Variants in ABCA3 observed in about 807,000 individuals in gnomAD.
ABCA3 encodes the protein ATP binding cassette subfamily A member 3, also known as phospholipid-transporting ATPase ABCA3.
ABCA3 carries 88 observed loss-of-function variants against 172.8 expected under a neutral mutation model. That is an observed-to-expected ratio of 0.51 (90% confidence interval 0.43 to 0.61). ABCA3 has a LOEUF of 0.61. Among genes scored for constraint, ABCA3 ranks in the 20% least tolerant of loss-of-function variants. The probability of loss-of-function intolerance (pLI) is 0.00; values close to 1 mark genes in which losing one functional copy is unlikely to be tolerated. For synonymous variants in ABCA3, 1,066 were observed against 983.8 expected, an observed-to-expected ratio of 1.08 and a Z score of -1.56; for missense variants, 2,164 against 2,301.0, an observed-to-expected ratio of 0.94 and a Z score of 1.22.
In ABCA3 at chr16:2,300,200, C is replaced by T. The variant is rs539260009; in HGVS notation, c.1468-52G>A. On this transcript the variant is annotated intron_variant, in intron 12 of 32. Transcript: ENST00000301732. Reference sequence around the variant, plus strand: ...TTTGTTTTGTTTGTGACGAGCAAAGCAACAACCAGCAGACACACTAGATGC... The same window carrying T: ...TTTGTTTTGTTTGTGACGAGCAAAGTAACAACCAGCAGACACACTAGATGC... The T allele has an allele frequency of 7.6e-5, 123 of 1,610,272 alleles. 1 individual carries two copies. The Admixed American group carries it at 1.1e-3, about 14-fold the overall frequency.
chr16:2,326,387 G>C, intron 4 of ABCA3, 26 bp downstream of exon 4: 1 of 1,612,648 alleles, frequency 6.2e-7, no homozygotes, highest in East Asian at 2.2e-5. Context: ...GCACGCAGCT[G>C]ACCTCCCTCC....
intron 18 of ABCA3, among the ~76,000 whole-genome samples, chr16:2,293,749 G>C (rs1222135267): frequency 6.6e-6 from 1 of 151,494 alleles, no homozygotes; most frequent in African/African-American, 2.4e-5. Context: ...CACCATGTTA[G>C]CCAGGATGGT....
Position 2,287,127 on chromosome 16 carries a change from C to T in ABCA3, c.3005-160G>A, listed in dbSNP as rs902557108. Among the ~76,000 whole-genome samples, 9 of 152,114 alleles carry T rather than the reference C, an allele frequency of 5.9e-5. No homozygotes were observed. The highest frequency in any genetic ancestry group is 2.2e-4 in the African/African-American group (9 of 41,410). Reference sequence around the variant, plus strand: ...CTCCTAAGGAGAGTATAATTTCTGGCAAGGTTTTGTCATCATTCAGTATGT... The same window carrying T: ...CTCCTAAGGAGAGTATAATTTCTGGTAAGGTTTTGTCATCATTCAGTATGT... On this transcript the variant is annotated intron_variant, in intron 21 of 32. Transcript: ENST00000301732. This position sits in a 1 kb window ranked among gnomAD's most constrained non-coding sequence, Gnocchi z 4.1.
At chr16:2,295,396 C>T (rs2093678108) in intron 18 of ABCA3, among the ~76,000 whole-genome samples, 194 bp downstream of exon 18, 1 of 152,188 alleles carries the variant, frequency 6.6e-6, no homozygotes, top group Non-Finnish European at 1.5e-5. Context: ...TTTCTCCTTG[C>T]TAGGAGGCCT....
At chr16:2,295,159 G>A (rs1431002145) in intron 18 of ABCA3, among the ~76,000 whole-genome samples, 3 of 152,100 alleles carry the variant, frequency 2.0e-5, no homozygotes, top group Non-Finnish European at 2.9e-5. Context: ...TGGTTCTGCC[G>A]TGTGTGTGAG....
In ABCA3 at chr16:2,284,779, C is replaced by G; in HGVS notation, c.3703G>C (p.Ala1235Pro). The stretch of plus-strand genomic sequence containing the variant: ...CTGCGGGTGGTCTCCAGGTGCCCAC[C>G]TGGGATGCGCATGATGGTGACCATC... ...FLMVTIMRIPAVKLEELSKTL... is the reference protein window; with the variant it reads ...FLMVTIMRIPPVKLEELSKTL... Residue 1235 changes from alanine to proline, a missense_variant and splice_region_variant, in exon 24 of 33, where the codon GCT (alanine) becomes CCT (proline). Ala to Pro is a conservative substitution (Grantham distance 27). Coordinates refer to ENST00000301732, the MANE Select transcript of ABCA3 (RefSeq NM_001089.3). The surrounding 1 kb of genome is among the most constrained non-coding windows in gnomAD (Gnocchi z 5.9). The G allele has an allele frequency of 6.2e-7, 1 of 1,613,368 alleles. No individual in the cohort carries two copies. Among genetic ancestry groups the G allele is most frequent in the Non-Finnish European group, 8.5e-7 (1 of 1,179,836 alleles).
Position 2,326,434 on chromosome 16 carries a change from G to C in ABCA3, c.33C>G (p.Leu11=). 2 of 1,612,836 alleles carry C rather than the reference G, an allele frequency of 1.2e-6. No homozygotes were observed. Among genetic ancestry groups the C allele is most frequent in the Non-Finnish European group, 1.7e-6 (2 of 1,179,492 alleles). ...GCACCTGCAGGGTGTAGTTCTTCCA[G>C]AGGAGGAGCGCCAGCTGCCTGAGCA... MAVLRQLALL[L]WKNYTLQKRK... The change falls in exon 4 of 33, where the codon CTC becomes CTG. Residue 11 remains leucine (L), a synonymous_variant. Transcript: ENST00000301732.
In ABCA3 at chr16:2,326,028, G is replaced by A. The variant is rs1352909711; in HGVS notation, c.301C>T (p.Leu101Phe). 1 of 1,613,916 alleles carries A rather than the reference G, an allele frequency of 6.2e-7. No homozygotes were observed. The highest frequency in any genetic ancestry group is 1.7e-5 in the Admixed American group (1 of 60,008). Reference protein sequence around the residue: ...KTVTETVRRALVINMRVRGFP... With the variant: ...KTVTETVRRAFVINMRVRGFP... ...GTCTCACCTCGCATGTTGATCACAA[G>A]TGCCCTGCGCACTGTCTCAGTGACG... The change falls in exon 5 of 33, where the codon CTT (leucine) becomes TTT (phenylalanine). Residue 101 changes from leucine to phenylalanine, a missense_variant. Coordinates refer to ENST00000301732, the MANE Select transcript of ABCA3 (RefSeq NM_001089.3).
Position 2,319,755 on chromosome 16 carries a change from C to G in ABCA3, c.699G>C (p.Gln233His). The G allele has an allele frequency of 6.2e-7, 1 of 1,614,018 alleles. No homozygotes were observed. The highest frequency in any genetic ancestry group is 8.5e-7 in the Non-Finnish European group (1 of 1,180,030). Residue 233 changes from glutamine to histidine, a missense_variant, in exon 8 of 33, where the codon CAG (glutamine) becomes CAC (histidine). This residue lies in a region of ABCA3 where 1,343 missense variants were observed against 1,369.6 expected (regional missense o/e 0.98). Coordinates refer to ENST00000301732, the MANE Select transcript of ABCA3 (RefSeq NM_001089.3). ...MEYHADAATR[Q>H]LFQRLTVTIK... ...TGGTCACCGTCAGTCTCTGGAACAGCTGGCGTGTGGCGGCATCGGCATGGT... is the reference window on the plus strand; with the variant it reads ...TGGTCACCGTCAGTCTCTGGAACAGGTGGCGTGTGGCGGCATCGGCATGGT...
intron 3 of ABCA3, among the ~76,000 whole-genome samples, chr16:2,327,115 A>T (rs543760144): frequency 1.4e-4 from 21 of 152,052 alleles, no homozygotes; most frequent in African/African-American, 2.4e-4. Flanking sequence ...AGTTTTTAAA[A>T]TTTTTTTTGT....
intron 11 of ABCA3, among the ~76,000 whole-genome samples, chr16:2,305,097 G>A (rs2093695520): frequency 1.3e-5 from 2 of 152,126 alleles, no homozygotes. Flanking sequence ...ACAGGTGTGA[G>A]CCACTGCACC....
rs1476833602 is a variant in ABCA3 at position 2,278,090 on chromosome 16, CAGAT to C, written c.4719-25_4719-22del. On this transcript the variant is annotated intron_variant, in intron 30 of 32. Transcript: ENST00000301732. This position sits in a 1 kb window ranked among gnomAD's most constrained non-coding sequence, Gnocchi z 4.4. ...CCATGCTGTGGAGAGGGCGGGACCT[CAGAT>C]AGGGCTTGGGGTGCCAAAGGCTTGT... 6.2e-7 allele frequency: 1 copy of C among 1,613,182 alleles called. No homozygotes were observed. The highest frequency in any genetic ancestry group is 1.1e-5 in the South Asian group (1 of 91,062).
chr16:2,307,065 G>A (rs1262358438), intron 11 of ABCA3, among the ~76,000 whole-genome samples: 4 of 150,260 alleles, frequency 2.7e-5, no homozygotes, highest in African/African-American at 4.9e-5. Context: ...AAAGTGAGTC[G>A]TGATGATGCC....
rs1198433946 is a variant in ABCA3, at chr16:2,286,564, G to C, written c.3278+130C>G. ...GGATGGTGGAGGAGGATGTGGCAGG[G>C]GTTTCCCACCAGACCCAGGGGCTTT... is the stretch of plus-strand genomic sequence containing the variant. On this transcript the variant is annotated intron_variant, in intron 22 of 32. Coordinates refer to ENST00000301732, the MANE Select transcript of ABCA3 (RefSeq NM_001089.3). The surrounding 1 kb of genome is among the most constrained non-coding windows in gnomAD (Gnocchi z 5.2). The C allele has an allele frequency of 1.2e-5, 15 of 1,249,790 alleles. No homozygotes were observed. The highest frequency in any genetic ancestry group is 3.0e-5 in the African/African-American group (2 of 66,830). 77.4% of individuals were successfully genotyped at this position (1,249,790 alleles called of 1,614,324 possible).
chr16:2,278,408 G>A lies in ABCA3; in HGVS notation c.4598C>T (p.Pro1533Leu). 3 of 1,612,970 alleles carry A rather than the reference G, an allele frequency of 1.9e-6. No homozygotes were observed. Among genetic ancestry groups the A allele is most frequent in the Admixed American group, 3.3e-5 (2 of 60,036 alleles). Residue 1533 changes from proline to leucine, a missense_variant, in exon 30 of 33, where the codon CCT (proline) becomes CTT (leucine). By Grantham distance (98) the Pro-to-Leu change is moderately conservative (BLOSUM62 -3). Transcript: ENST00000301732. The surrounding 1 kb of genome is among the most constrained non-coding windows in gnomAD (Gnocchi z 4.4). ...CGGCTCGTCCAGGAAGATGACAGCAGGCTCTCCGATCAGGGCGATGCCGGT... is the reference window on the plus strand; with the variant it reads ...CGGCTCGTCCAGGAAGATGACAGCAAGCTCTCCGATCAGGGCGATGCCGGT... Reference protein sequence around the residue: ...LSTGIALIGEPAVIFLDEPST... With the variant: ...LSTGIALIGELAVIFLDEPST...
In ABCA3 at chr16:2,284,823, G is replaced by T. The variant is rs751174561; in HGVS notation, c.3659C>A (p.Ser1220Ter). Residue 1220 changes from serine to a stop codon, truncating the protein, a stop_gained, in exon 24 of 33, where the codon TCA (serine) becomes TAA (stop). Transcript: ENST00000301732. LOFTEE classifies it high-confidence loss of function. The surrounding 1 kb of genome is among the most constrained non-coding windows in gnomAD (Gnocchi z 5.9). ...YTRLTIFNIL[S>*]GIATFLMVTI... is the part of the protein sequence containing the mutation. The stretch of plus-strand genomic sequence containing the variant: ...GACCATCAGGAAGGTGGCGATGCCT[G>T]ACAGGATGTTGAAGATGGTCAGCCT... 37 of 1,613,968 alleles carry T rather than the reference G, an allele frequency of 2.3e-5. No homozygotes were observed. The highest frequency in any genetic ancestry group is 3.0e-5 in the Non-Finnish European group (35 of 1,179,986).
chr16:2,326,742 C>A (rs574807946), intron 3 of ABCA3, among the ~76,000 whole-genome samples: 1 of 152,164 alleles, frequency 6.6e-6, no homozygotes, highest in African/African-American at 2.4e-5. Flanking sequence ...AATCTCAACA[C>A]TTTGGGAGGC....
rs562200919 is a variant in ABCA3, at chr16:2,279,104, C to T, written c.4386G>A (p.Pro1462=). ...TGTGGTCCAGCAAGGCATCAAACTG[C>T]GGGCAGTAGCCGATCCGCTGCCGCA... ...GKVRQRIGYC[P]QFDALLDHMT... The change falls in exon 29 of 33, where the codon CCG becomes CCA. Residue 1462 remains proline (P), a synonymous_variant. Coordinates refer to ENST00000301732, the MANE Select transcript of ABCA3 (RefSeq NM_001089.3). The surrounding 1 kb of genome is among the most constrained non-coding windows in gnomAD (Gnocchi z 4.4). The T allele has an allele frequency of 2.0e-5, 33 of 1,611,906 alleles. No individual in the cohort carries two copies. The East Asian group carries it at 4.0e-4, about 20-fold the overall frequency.
At chr16:2,315,617 G>C (rs1304977429) in intron 10 of ABCA3, among the ~76,000 whole-genome samples, 1 of 152,114 alleles carries the variant, frequency 6.6e-6, no homozygotes. Flanking sequence ...GTGCACATCA[G>C]ATATGTTGGC....
Sources: gnomAD v4.1 joint callset for allele counts (sites outside exome capture counted in the v4.1 genomes callset) on GRCh38, gnomAD v4.1.1 for gene constraint, gnomAD v4.1.1 regional missense constraint, Gnocchi (gnomAD v3.1) non-coding constraint, MANE v1.5 for transcripts, NCBI Gene and HGNC (gene_info 2026-07-23, HGNC 2026-07-21) for gene names.